Variants in RHOBTB2 observed in about 807,000 individuals in gnomAD.
RHOBTB2 encodes Rho related BTB domain containing 2, also known as rho-related BTB domain-containing protein 2.
In RHOBTB2, 39 loss-of-function variants were observed where a neutral mutation model predicts 66.5. The ratio of observed to expected loss-of-function variants is 0.59; its 90% CI spans 0.45 to 0.77. The LOEUF (loss-of-function observed/expected upper bound fraction) is 0.77, where lower values mean the gene tolerates loss of function less well. Among genes scored for constraint, RHOBTB2 ranks in the 30% least tolerant of loss-of-function variants. The probability of loss-of-function intolerance (pLI) is 0.00; values close to 1 mark genes in which losing one functional copy is unlikely to be tolerated. For synonymous variants in RHOBTB2, 390 were observed against 395.0 expected, an observed-to-expected ratio of 0.99 and a Z score of 0.15; for missense variants, 755 against 999.1, an observed-to-expected ratio of 0.76 and a Z score of 3.29.
chr8:22,975,551 G>T, the RHOBTB2 span, among the ~76,000 whole-genome samples: 1 of 152,270 alleles, frequency 6.6e-6, no homozygotes, highest in Non-Finnish European at 1.5e-5. Flanking sequence ...ATGCAGAAGC[G>T]AAAGGAGATA....
chr8:23,004,757 A>G lies in RHOBTB2; in HGVS notation c.192+131A>G, dbSNP rs1008884851. On this transcript the variant is annotated intron_variant, in intron 2 of 9. Coordinates refer to ENST00000251822, the MANE Select transcript of RHOBTB2 (RefSeq NM_015178.3). The surrounding 1 kb of genome is among the most constrained non-coding windows in gnomAD (Gnocchi z 6.4). ...GGGTGGGACAGGATGGGTTGGGGGC[A>G]GCTGAAGAGGAAGGAGCCCCTGGAG... 3.5e-6 allele frequency: 3 copies of G among 848,802 alleles called. No homozygotes were observed. Among genetic ancestry groups the G allele is most frequent in the Non-Finnish European group, 5.5e-6 (3 of 542,728 alleles). 52.6% of individuals were successfully genotyped at this position (848,802 alleles called of 1,614,324 possible). A position where few individuals can be genotyped will look rare whatever the true frequency, so the allele number is the denominator to read the frequency against.
At chr8:23,008,281 C>T (rs563379104) in intron 6 of RHOBTB2, among the ~76,000 whole-genome samples, 170 bp downstream of exon 6, 4 of 152,292 alleles carry the variant, frequency 2.6e-5, no homozygotes, top group African/African-American at 7.2e-5. Flanking sequence ...TTATACAATA[C>T]ACCAGGAAAG....
chr8:22,969,242 A>G, the RHOBTB2 span, among the ~76,000 whole-genome samples: 2 of 152,202 alleles, frequency 1.3e-5, no homozygotes. Flanking sequence ...CAAGAACAGT[A>G]TGGGGTAACC....
chr8:22,960,956 T>G, the RHOBTB2 span, among the ~76,000 whole-genome samples: 1 of 152,238 alleles, frequency 6.6e-6, no homozygotes, highest in African/African-American at 2.4e-5. Flanking sequence ...CCCCTACTTG[T>G]TAGCCTGCTT....
chr8:22,981,635 G>A, the RHOBTB2 span, among the ~76,000 whole-genome samples: 1 of 152,222 alleles, frequency 6.6e-6, no homozygotes, highest in South Asian at 2.1e-4. Flanking sequence ...TTGAAAGAGG[G>A]CAGAGGTGGG....
rs545096279 is a variant in RHOBTB2 at position 23,016,877 on chromosome 8, C to T, written c.1967-375C>T. Among the ~76,000 whole-genome samples, 28 of 152,300 alleles carry T rather than the reference C, an allele frequency of 1.8e-4. No homozygotes were observed. The South Asian group carries it at 5.0e-3, about 27-fold the overall frequency. On this transcript the variant is annotated intron_variant, in intron 9 of 9. Transcript: ENST00000251822. ...TGTGTCCTGACTCCGTATTCCCCCT[C>T]GGAACCTTAGCTCTGGCCAGAAACT...
intron 1 of RHOBTB2, among the ~76,000 whole-genome samples, chr8:22,989,690 C>T (rs962961689): frequency 2.0e-5 from 3 of 152,204 alleles, no homozygotes; most frequent in Non-Finnish European, 2.9e-5. Flanking sequence ...GGCATCAGAA[C>T]CACAGCGCTG....
rs1369262612 is a variant in RHOBTB2 at position 23,000,091 on chromosome 8, G to A, written c.-25G>A. ...TGTTCCTCACGCTAGAAGCCACCCC[G>A]TCACATGTAGTGGTGTAAGTAGATG... On this transcript the variant is annotated 5_prime_UTR_variant, in exon 1 of 10. Coordinates refer to ENST00000251822, the MANE Select transcript of RHOBTB2 (RefSeq NM_015178.3). 1.6e-5 allele frequency: 16 copies of A among 985,370 alleles called. No individual in the cohort carries two copies. Among genetic ancestry groups the A allele is most frequent in the Non-Finnish European group, 1.9e-5 (16 of 829,952 alleles). 61.0% of individuals were successfully genotyped at this position (985,370 alleles called of 1,614,324 possible).
chr8:22,972,133 C>A, the RHOBTB2 span, among the ~76,000 whole-genome samples: 1 of 152,218 alleles, frequency 6.6e-6, no homozygotes, highest in Non-Finnish European at 1.5e-5. Context: ...TCTCCCTCTT[C>A]CTCGCATTCC....
rs1585191244 is a variant in RHOBTB2 at position 23,006,970 on chromosome 8, T to C, written c.725T>C (p.Ile242Thr). 2 of 1,610,846 alleles carry C rather than the reference T, an allele frequency of 1.2e-6. No homozygotes were observed. The highest frequency in any genetic ancestry group is 1.7e-6 in the Non-Finnish European group (2 of 1,179,844). The stretch of plus-strand genomic sequence containing the variant: ...CTACCCCCCAAGCCACCGCCCCCGA[T>C]CATCGTGGTGCCCGACCCTCCCTCC... ...PFLPPKPPPP[I>T]IVVPDPPSSS... The change falls in exon 5 of 10, where the codon ATC becomes ACC. Residue 242 changes from isoleucine (I) to threonine (T), a missense_variant. This residue lies in a region of RHOBTB2 where 247 missense variants were observed against 238.9 expected (regional missense o/e 1.03). Coordinates refer to ENST00000251822, the MANE Select transcript of RHOBTB2 (RefSeq NM_015178.3). This position sits in a 1 kb window ranked among gnomAD's most constrained non-coding sequence, Gnocchi z 6.1.
At position 23,004,862 on chromosome 8, in the gene RHOBTB2, C is replaced by G. The variant is rs1810900726; in HGVS notation, c.192+236C>G. On this transcript the variant is annotated intron_variant, in intron 2 of 9. Coordinates refer to ENST00000251822, the MANE Select transcript of RHOBTB2 (RefSeq NM_015178.3). This position sits in a 1 kb window ranked among gnomAD's most constrained non-coding sequence, Gnocchi z 6.4. ...AGGGACTGAGCTGGTGCCTGGGACT[C>G]CATCTTTGTCTGGGGTACCGCATTG... 1.7e-6 allele frequency: 1 copy of G among 577,182 alleles called. No homozygotes were observed. Among genetic ancestry groups the G allele is most frequent in the Non-Finnish European group, 3.1e-6 (1 of 322,540 alleles). 35.8% of individuals were successfully genotyped at this position (577,182 alleles called of 1,614,324 possible).
At chr8:22,989,102 T>A (rs1426762761) in intron 1 of RHOBTB2, among the ~76,000 whole-genome samples, 1 of 152,194 alleles carries the variant, frequency 6.6e-6, no homozygotes, top group Non-Finnish European at 1.5e-5. Context: ...ACGCATACTT[T>A]CCTTCAATTG....
chr8:23,008,677 A>G (rs1277184219), intron 6 of RHOBTB2, among the ~76,000 whole-genome samples: 4 of 152,186 alleles, frequency 2.6e-5, no homozygotes, highest in Non-Finnish European at 5.9e-5. Context: ...CTGGGGTCAC[A>G]TGGGGAAGCT....
At chr8:22,986,288 T>C (rs934914428), upstream of RHOBTB2, among the ~76,000 whole-genome samples, 30 of 124,054 alleles carry the variant, frequency 2.4e-4, no homozygotes, top group African/African-American at 7.3e-4. Flanking sequence ...TTTTTTTTTT[T>C]CTGGGAGACA....
the RHOBTB2 span, among the ~76,000 whole-genome samples, chr8:22,963,737 A>G: frequency 6.6e-6 from 1 of 151,992 alleles, no homozygotes; most frequent in Non-Finnish European, 1.5e-5. Flanking sequence ...AAAAAATGAG[A>G]GAGGTTGTGC....
At chr8:22,951,582 A>C in the RHOBTB2 span, among the ~76,000 whole-genome samples, 1 of 152,256 alleles carries the variant, frequency 6.6e-6, no homozygotes, top group East Asian at 1.9e-4. Context: ...ATCTCACAAA[A>C]TACGTTTTCA....
upstream of RHOBTB2, chr8:22,999,253 A>G: frequency 6.6e-6 from 1 of 152,446 alleles, no homozygotes; most frequent in Non-Finnish European, 1.5e-5. Context: ...CATCCCTTCC[A>G]GGGTGCACTA....
At chr8:22,980,452 T>G in the RHOBTB2 span, among the ~76,000 whole-genome samples, 1 of 152,244 alleles carries the variant, frequency 6.6e-6, no homozygotes, top group Admixed American at 6.5e-5. Flanking sequence ...GTTCATTGCC[T>G]ATTTTTACTT....
In RHOBTB2 at chr8:23,000,033, C is replaced by T. The variant is rs1229443246; in HGVS notation, c.-83C>T. On this transcript the variant is annotated 5_prime_UTR_variant, in exon 1 of 10. Transcript: ENST00000251822. ...AGGCGCGGAGGGACCCCTGACATTT[C>T]ACTAAAATGAGCGTGCTCAGCAGGA... 3 of 985,432 alleles carry T rather than the reference C, an allele frequency of 3.0e-6. No homozygotes were observed. The highest frequency in any genetic ancestry group is 6.1e-5 in the Admixed American group (1 of 16,276). The allele number at this position is 985,432 out of a possible 1,614,324, so 61.0% of individuals were successfully genotyped here.
Sources: gnomAD v4.1 joint callset for allele counts (sites outside exome capture counted in the v4.1 genomes callset) on GRCh38, gnomAD v4.1.1 for gene constraint, gnomAD v4.1.1 regional missense constraint, Gnocchi (gnomAD v3.1) non-coding constraint, MANE v1.5 for transcripts, NCBI Gene and HGNC (gene_info 2026-07-23, HGNC 2026-07-21) for gene names.